TENM1: variants seen among roughly 807,000 people sequenced by gnomAD.
TENM1 encodes teneurin-1.
A neutral mutation model predicts 174.8 loss-of-function variants in TENM1; 35 were observed. That is an observed-to-expected ratio of 0.20 (90% CI 0.15 to 0.27). The LOEUF (loss-of-function observed/expected upper bound fraction) is 0.27. TENM1 is among the 10% of genes least tolerant of loss of function. TENM1 has a pLI of 1.00. For synonymous variants in TENM1, 781 were observed against 798.7 expected (o/e 0.98, Z 0.37); for missense variants, 1,633 against 2,130.1 (o/e 0.77, Z 4.59).
chrX:124,434,390 C>T (rs1386580798), intron 23 of TENM1, among the ~76,000 whole-genome samples: 2 of 111,658 alleles, frequency 1.8e-5, no homozygotes, highest in African/African-American at 6.5e-5. Context: ...TAAGTCCTGT[C>T]CAAAAGCATA....
chrX:124,385,592 G>A, intron 29 of TENM1, 85 bp downstream of exon 32: 3 of 918,976 alleles, frequency 3.3e-6, no homozygotes, highest in Non-Finnish European at 4.5e-6. Flanking sequence ...GTAGATTAAT[G>A]CTTCTATCTC....
chrX:124,784,689 G>A (rs1301697082), intron 3 of TENM1, among the ~76,000 whole-genome samples: 1 of 111,550 alleles, frequency 9.0e-6, no homozygotes, highest in African/African-American at 3.2e-5. Context: ...TAGTTAGTCA[G>A]GTTTTAAAAT....
chrX:124,675,045 G>A (rs1333441174), intron 5 of TENM1, among the ~76,000 whole-genome samples: 1 of 111,310 alleles, frequency 9.0e-6, no homozygotes, highest in African/African-American at 3.3e-5. Flanking sequence ...TTTCACCATC[G>A]AATGAAATGG....
intron 3 of TENM1, among the ~76,000 whole-genome samples, chrX:124,747,811 G>A (rs1339751528): frequency 9.0e-6 from 1 of 110,799 alleles, no homozygotes; most frequent in Non-Finnish European, 1.9e-5. Context: ...GACCAGAGCA[G>A]ACCACAGAGT....
At chrX:125,196,970 C>T in the TENM1 span, among the ~76,000 whole-genome samples, 1 of 111,255 alleles carries the variant, frequency 9.0e-6, no homozygotes, top group African/African-American at 3.3e-5. Flanking sequence ...ATCTAATAAA[C>T]CAATTGTCCA....
chrX:124,996,019 T>C, the TENM1 span, among the ~76,000 whole-genome samples: 1 of 111,352 alleles, frequency 9.0e-6, no homozygotes, highest in African/African-American at 3.3e-5. Context: ...TTTATACTTT[T>C]TAAGCTAAGT....
At chrX:125,108,001 T>C in the TENM1 span, among the ~76,000 whole-genome samples, 39 of 112,113 alleles carry the variant, frequency 3.5e-4, no homozygotes, top group African/African-American at 1.1e-3. Context: ...ATTTCAGATA[T>C]TGAAGTTTAT....
At chrX:124,686,806 C>A (rs1238524402) in intron 5 of TENM1, among the ~76,000 whole-genome samples, 2 of 111,716 alleles carry the variant, frequency 1.8e-5, no homozygotes, top group Non-Finnish European at 3.8e-5. Flanking sequence ...AAATCCACAG[C>A]CAATAACATA....
chrX:124,773,566 C>T (rs1288639968), intron 3 of TENM1, among the ~76,000 whole-genome samples: 2 of 111,320 alleles, frequency 1.8e-5, no homozygotes, highest in Non-Finnish European at 3.8e-5. Flanking sequence ...ACCTGAGTGG[C>T]ATGTTCAGGA....
intron 1 of TENM1, among the ~76,000 whole-genome samples, chrX:124,955,244 GAT>G (rs1315944453): frequency 1.9e-5 from 2 of 106,310 alleles, no homozygotes; most frequent in African/African-American, 7.7e-5. Flanking sequence ...ATCCCCCAAG[GAT>G]ATTTTTTTTA....
intron 3 of TENM1, among the ~76,000 whole-genome samples, chrX:124,748,603 A>G (rs1405537392): frequency 9.0e-6 from 1 of 111,695 alleles, no homozygotes; most frequent in Non-Finnish European, 1.9e-5. Flanking sequence ...TTTGTTTTCA[A>G]TAAGGTGAAT....
the TENM1 span, among the ~76,000 whole-genome samples, chrX:125,190,527 G>A: frequency 9.0e-6 from 1 of 111,698 alleles, no homozygotes; most frequent in Admixed American, 9.5e-5. Flanking sequence ...GTTCTCTAGT[G>A]AGTGAAGACC....
chrX:124,511,337 GC>G (rs2047579395), intron 18 of TENM1, among the ~76,000 whole-genome samples: 2 of 112,061 alleles, frequency 1.8e-5, no homozygotes, highest in Admixed American at 9.5e-5. Flanking sequence ...AAACAGCCCT[GC>G]TTTCAGTTAA....
At chrX:124,582,863 G>A (rs964319952) in intron 11 of TENM1, among the ~76,000 whole-genome samples, 51 of 112,271 alleles carry the variant, frequency 4.5e-4, no homozygotes, top group African/African-American at 1.3e-3. Context: ...CTTAAAAAAC[G>A]GCACACCAGG....
intron 22 of TENM1, among the ~76,000 whole-genome samples, chrX:124,463,836 G>GGGGTGT (rs1251804415): frequency 1.1e-5 from 1 of 90,944 alleles, no homozygotes; most frequent in South Asian, 5.7e-4. Flanking sequence ...TAGAGGTTGG[G>GGGGTGT]GTGTGTGTGT....
chrX:124,535,985 T>C (rs1263088737), intron 15 of TENM1, among the ~76,000 whole-genome samples: 2 of 111,730 alleles, frequency 1.8e-5, no homozygotes, highest in Non-Finnish European at 3.8e-5. Flanking sequence ...TTGACTATTT[T>C]AGGGAATTAA....
the TENM1 span, among the ~76,000 whole-genome samples, chrX:125,159,290 C>T: frequency 8.9e-6 from 1 of 112,031 alleles, no homozygotes; most frequent in Non-Finnish European, 1.9e-5. Context: ...TAAGGATTTA[C>T]AGGACCCGCA....
chrX:124,771,633 T>C (rs1235894101), intron 3 of TENM1, among the ~76,000 whole-genome samples: 1 of 112,377 alleles, frequency 8.9e-6, no homozygotes, highest in Non-Finnish European at 1.9e-5. Context: ...GTTGTTTGAA[T>C]TGAATATTAT....
At chrX:124,759,566 G>T (rs1299377419) in intron 3 of TENM1, among the ~76,000 whole-genome samples, 1 of 111,349 alleles carries the variant, frequency 9.0e-6, no homozygotes, top group African/African-American at 3.3e-5. Context: ...GAGAATATAC[G>T]ATGTTTGGTT....
Sources: allele counts gnomAD v4.1 joint callset (sites outside exome capture counted in the v4.1 genomes callset), GRCh38; gene constraint gnomAD v4.1.1; transcripts MANE v1.5; gene names NCBI Gene and HGNC (gene_info 2026-07-23, HGNC 2026-07-21).